CNTNAP5: variants seen among roughly 807,000 people sequenced by gnomAD.
CNTNAP5 encodes the protein contactin-associated protein-like 5.
Under a neutral mutation model 150.2 loss-of-function variants are expected in CNTNAP5, and 72 were observed. That is an observed-to-expected ratio of 0.48 (90% CI 0.40 to 0.58). The LOEUF (loss-of-function observed/expected upper bound fraction) is 0.58, where lower values mean the gene tolerates loss of function less well. Ranked by LOEUF, CNTNAP5 falls within the 20% of genes least tolerant of loss-of-function variation. CNTNAP5 has a pLI of 0.00. For missense variants in CNTNAP5, 1,636 were observed against 1,626.2 expected, an observed-to-expected ratio of 1.01 and a Z score of -0.10; for synonymous variants, 672 against 619.8, an observed-to-expected ratio of 1.08 and a Z score of -1.25.
chr2:124,694,058 T>C (rs921780055), intron 13 of CNTNAP5, among the ~76,000 whole-genome samples: 2 of 152,122 alleles, frequency 1.3e-5, no homozygotes, highest in Non-Finnish European at 2.9e-5. Context: ...TTCTGTTTTG[T>C]CTGAGTGCTG....
chr2:124,243,657 G>A (rs1686943237), intron 3 of CNTNAP5, among the ~76,000 whole-genome samples: 1 of 152,088 alleles, frequency 6.6e-6, no homozygotes, highest in Non-Finnish European at 1.5e-5. Context: ...CAGCCTACTT[G>A]AAGGGAGAGG....
intron 3 of CNTNAP5, among the ~76,000 whole-genome samples, chr2:124,356,806 C>T (rs1237891017): frequency 6.6e-6 from 1 of 151,240 alleles, no homozygotes; most frequent in East Asian, 2.0e-4. Flanking sequence ...ATTTATAGTC[C>T]TTTGGGTATA....
chr2:124,123,663 C>T (rs1433591915), intron 1 of CNTNAP5, among the ~76,000 whole-genome samples: 5 of 152,222 alleles, frequency 3.3e-5, no homozygotes, highest in South Asian at 4.2e-4. Context: ...CAGTAGGGGC[C>T]GACTGACACC....
rs1287361584 is a variant in CNTNAP5 at position 124,242,285 on chromosome 2, G to A, written c.273G>A (p.Val91=). 6.2e-7 allele frequency: 1 copy of A among 1,611,356 alleles called. No individual in the cohort carries two copies. Residue 91 remains valine, a synonymous_variant, in exon 3 of 24, where the codon GTG becomes GTA. Coordinates refer to ENST00000682447, the MANE Select transcript of CNTNAP5 (RefSeq NM_001367498.1). The part of the protein sequence containing the change: ...DLGNRVEITA[V]ATQGRYGSSD... Reference sequence around the variant, plus strand: ...GAAACAGAGTAGAGATTACAGCAGTGGCCACGCAGGGAAGATACGGAAGCT... The same window carrying A: ...GAAACAGAGTAGAGATTACAGCAGTAGCCACGCAGGGAAGATACGGAAGCT...
intron 1 of CNTNAP5, among the ~76,000 whole-genome samples, chr2:124,195,196 T>C (rs1322471534): frequency 6.6e-6 from 1 of 152,224 alleles, no homozygotes; most frequent in Admixed American, 6.5e-5. Context: ...GGGAGTGGTA[T>C]GGCCGGGTGT....
chr2:124,355,392 T>G (rs1689970438), intron 3 of CNTNAP5, among the ~76,000 whole-genome samples: 1 of 152,126 alleles, frequency 6.6e-6, no homozygotes, highest in Admixed American at 6.6e-5. Context: ...TACCCTAAAC[T>G]TTCACAAGGG....
chr2:124,071,123 T>C (rs1349807672), intron 1 of CNTNAP5, among the ~76,000 whole-genome samples: 1 of 151,858 alleles, frequency 6.6e-6, no homozygotes, highest in African/African-American at 2.4e-5. Flanking sequence ...AAGAAGGCAA[T>C]TGAAAATTTT....
At chr2:124,200,691 T>C (rs1685708570) in intron 1 of CNTNAP5, among the ~76,000 whole-genome samples, 1 of 152,242 alleles carries the variant, frequency 6.6e-6, no homozygotes, top group Non-Finnish European at 1.5e-5. Flanking sequence ...CTCCTAATTC[T>C]CAATCTGTAA....
chr2:124,127,991 T>C (rs1341515726), intron 1 of CNTNAP5, among the ~76,000 whole-genome samples: 1 of 152,176 alleles, frequency 6.6e-6, no homozygotes, highest in Non-Finnish European at 1.5e-5. Context: ...ATTCAGGACA[T>C]AGGCTTGGGC....
intron 11 of CNTNAP5, among the ~76,000 whole-genome samples, chr2:124,565,574 CTTTTTTTTTTTTTTTTTTTTTTTTTTTTT>C (rs776732335): frequency 1.5e-5 from 1 of 68,440 alleles, no homozygotes. Context: ...TACCTAGATC[CTTTTTTTTTTTTTTTTTTTTTTTTTTTTT>C]TTTTTTTTTT....
intron 19 of CNTNAP5, among the ~76,000 whole-genome samples, chr2:124,840,653 C>A (rs1250553050): frequency 6.6e-6 from 1 of 152,060 alleles, no homozygotes; most frequent in Non-Finnish European, 1.5e-5. Context: ...TGTCTTTATG[C>A]CGGTAAACAG....
In CNTNAP5 at chr2:124,412,752, C is replaced by T. The variant is rs1259790095; in HGVS notation, c.382-4691C>T. 4.1e-4 allele frequency among the ~76,000 whole-genome samples: 44 copies of T among 108,332 alleles called. 1 individual carries two copies. The highest frequency in any genetic ancestry group is 1.5e-3 in the African/African-American group (37 of 24,906). 71.1% of individuals were successfully genotyped at this position (108,332 alleles called of 152,430 possible). A position where few individuals can be genotyped will look rare whatever the true frequency, so the allele number is the denominator to read the frequency against. ...ATTCAAGATGGATTAAAGATTTAAA[C>T]GTTAGACCTAAAACCATAAAAACCC... is the stretch of plus-strand genomic sequence containing the variant. On this transcript the variant is annotated intron_variant, in intron 3 of 23. Transcript: ENST00000682447.
At chr2:124,593,291 C>A (rs1039500561) in intron 11 of CNTNAP5, among the ~76,000 whole-genome samples, 1 of 131,490 alleles carries the variant, frequency 7.6e-6, no homozygotes, top group African/African-American at 2.8e-5. Flanking sequence ...CCCCCTCCCA[C>A]CTCCCCACCA....
intron 1 of CNTNAP5, among the ~76,000 whole-genome samples, chr2:124,123,660 G>A (rs1170423980): frequency 6.6e-6 from 1 of 152,136 alleles, no homozygotes; most frequent in Non-Finnish European, 1.5e-5. Flanking sequence ...TCCCAGTAGG[G>A]GCCGACTGAC....
intron 1 of CNTNAP5, among the ~76,000 whole-genome samples, chr2:124,220,284 A>G (rs1034786587): frequency 3.3e-5 from 5 of 152,136 alleles, no homozygotes; most frequent in African/African-American, 1.2e-4. Flanking sequence ...TCAATGTCCT[A>G]TGAAATTAAA....
chr2:124,774,654 A>G (rs1276084663), intron 17 of CNTNAP5, among the ~76,000 whole-genome samples: 1 of 152,140 alleles, frequency 6.6e-6, no homozygotes, highest in Non-Finnish European at 1.5e-5. Context: ...AAAATCTAAT[A>G]TATTTTTTGG....
chr2:124,743,994 T>TTCC (rs1680554648), intron 13 of CNTNAP5, among the ~76,000 whole-genome samples: 1 of 152,194 alleles, frequency 6.6e-6, no homozygotes, highest in African/African-American at 2.4e-5. Context: ...ATCAAAGTCT[T>TTCC]TCCTGATTGG....
chr2:124,341,065 G>C (rs969487752), intron 3 of CNTNAP5, among the ~76,000 whole-genome samples: 1 of 151,684 alleles, frequency 6.6e-6, no homozygotes, highest in African/African-American at 2.4e-5. Context: ...GTGACACGGT[G>C]AGACCCTGTC....
At chr2:124,691,672 C>A (rs776031583) in intron 13 of CNTNAP5, among the ~76,000 whole-genome samples, 6 of 152,042 alleles carry the variant, frequency 3.9e-5, no homozygotes, top group Non-Finnish European at 7.4e-5. Flanking sequence ...ACTCAGTCAG[C>A]GTTTCATGGG....
Sources: allele counts gnomAD v4.1 joint callset (sites outside exome capture counted in the v4.1 genomes callset), GRCh38; gene constraint gnomAD v4.1.1; transcripts MANE v1.5; gene names NCBI Gene and HGNC (gene_info 2026-07-23, HGNC 2026-07-21).